NLRP13: variants seen among roughly 807,000 people sequenced by gnomAD.
The protein encoded by NLRP13 is NLR family pyrin domain containing 13.
Under a neutral mutation model 94.4 loss-of-function variants are expected in NLRP13, and 82 were observed. That is an observed-to-expected ratio of 0.87 (90% CI 0.73 to 1.04). NLRP13 has a LOEUF of 1.04. NLRP13 is among the 50% of genes least tolerant of loss of function. The pLI, the probability that NLRP13 is intolerant of heterozygous loss-of-function variation, is 0.00. For missense variants in NLRP13, 1,426 were observed against 1,230.8 expected (o/e 1.16, Z -2.37); for synonymous variants, 553 against 464.7 (o/e 1.19, Z -2.45).
At chr19:55,893,348 A>G (rs149709339), downstream of NLRP13, among the ~76,000 whole-genome samples, 3 of 152,176 alleles carry the variant, frequency 2.0e-5, no homozygotes, top group East Asian at 5.8e-4. Context: ...AGATCACGCC[A>G]TTGCACTCCT....
chr19:55,926,392 G>T (rs1986966220), intron 1 of NLRP13, among the ~76,000 whole-genome samples: 2 of 152,210 alleles, frequency 1.3e-5, no homozygotes, highest in Non-Finnish European at 2.9e-5. Context: ...ACTTTGCAAG[G>T]ACATGAAGGA....
chr19:55,901,313 C>T lies in NLRP13; in HGVS notation c.2789+722G>A, dbSNP rs536495489. Among the ~76,000 whole-genome samples, 5 of 152,328 alleles carry T rather than the reference C, an allele frequency of 3.3e-5. No individual in the cohort carries two copies. The South Asian group carries it at 1.0e-3, about 32-fold the overall frequency. On this transcript the variant is annotated intron_variant, in intron 9 of 10. Coordinates refer to ENST00000342929, the MANE Select transcript of NLRP13 (RefSeq NM_176810.2). The stretch of plus-strand genomic sequence containing the variant: ...GCAAATCCTGACCCCGTGCCCTTTC[C>T]CCATTGGCTGGGGTCGGACCACACA...
intron 2 of NLRP13, 24 bp from the exon 3 acceptor site, chr19:55,924,682 A>G (rs1460097576): frequency 6.3e-7 from 1 of 1,597,476 alleles, no homozygotes; most frequent in East Asian, 2.2e-5. Flanking sequence ...TGACGATGAG[A>G]TATGAAAATA....
Position 55,912,692 on chromosome 19 carries a change from T to C in NLRP13, c.1125A>G (p.Leu375=), listed in dbSNP as rs201520535. Residue 375 remains leucine (L), a synonymous_variant, in exon 5 of 11, where the codon TTA becomes TTG. Coordinates refer to ENST00000342929, the MANE Select transcript of NLRP13 (RefSeq NM_176810.2). ...TAATTTGTACAAAGCATGGATTCAC[T>C]AATGAGGCCTTAAGATCTCTCACAA... ...TWFVRDLKAS[L]VNPCFVQITG... is the part of the protein sequence containing the mutation. 126 of 1,614,054 alleles carry C rather than the reference T, an allele frequency of 7.8e-5. No individual in the cohort carries two copies. The highest frequency in any genetic ancestry group is 9.6e-5 in the Non-Finnish European group (113 of 1,180,040).
At chr19:55,930,901 A>ATATATATATATATATATATATTT (rs1338071833) in intron 1 of NLRP13, among the ~76,000 whole-genome samples, 12 of 98,292 alleles carry the variant, frequency 1.2e-4, no homozygotes, top group South Asian at 3.1e-4. Flanking sequence ...TATATATAAA[A>ATATATATATATATATATATATTT]TTTTAACCAG....
intron 9 of NLRP13, among the ~76,000 whole-genome samples, chr19:55,901,439 G>A (rs1347538949): frequency 3.9e-5 from 6 of 152,090 alleles, no homozygotes; most frequent in Non-Finnish European, 7.4e-5. Flanking sequence ...GGGAGAGGGG[G>A]AAAAGTCGTC....
At chr19:55,930,570 CA>C (rs1203211442) in intron 1 of NLRP13, among the ~76,000 whole-genome samples, 1 of 151,356 alleles carries the variant, frequency 6.6e-6, no homozygotes, top group Non-Finnish European at 1.5e-5. Context: ...CCTGTAGTCC[CA>C]GCTACTCGGG....
At chr19:55,919,863 C>A (rs1986770151) in intron 4 of NLRP13, among the ~76,000 whole-genome samples, 1 of 152,008 alleles carries the variant, frequency 6.6e-6, no homozygotes, top group Non-Finnish European at 1.5e-5. Flanking sequence ...AGAAAGAGCC[C>A]TAATAGCCAA....
chr19:55,892,073 T>G (rs958332339), downstream of NLRP13: 6 of 1,227,784 alleles, frequency 4.9e-6, no homozygotes, highest in African/African-American at 1.6e-5. Context: ...GCTCCTTCTG[T>G]GAGGTCTGTA....
chr19:55,923,500 G>C (rs1206644655), intron 4 of NLRP13, among the ~76,000 whole-genome samples: 1 of 152,128 alleles, frequency 6.6e-6, no homozygotes, highest in Non-Finnish European at 1.5e-5. Flanking sequence ...GCAGGAGTAG[G>C]GGGTGGAAGG....
chr19:55,899,422 G>A (rs1219430447), intron 9 of NLRP13, among the ~76,000 whole-genome samples: 1 of 152,206 alleles, frequency 6.6e-6, no homozygotes, highest in East Asian at 1.9e-4. Context: ...GATGAGGAGA[G>A]GAAAGACAAG....
rs1359304813 is a variant in NLRP13, at chr19:55,911,690, G to A, written c.2111+16C>T. ...AACAGGAGAAAGCTGAGAAAGAAAT[G>A]GTTTGTAATACTCACTCCAGAATTT... On this transcript the variant is annotated intron_variant, in intron 5 of 10. Coordinates refer to ENST00000342929, the MANE Select transcript of NLRP13 (RefSeq NM_176810.2). 2 of 1,559,888 alleles carry A rather than the reference G, an allele frequency of 1.3e-6. No individual in the cohort carries two copies. Among genetic ancestry groups the A allele is most frequent in the Non-Finnish European group, 1.7e-6 (2 of 1,154,940 alleles).
intron 7 of NLRP13, among the ~76,000 whole-genome samples, chr19:55,906,041 T>C (rs1393633340): frequency 6.6e-6 from 1 of 151,434 alleles, no homozygotes; most frequent in African/African-American, 2.4e-5. Flanking sequence ...CCTAAGGTGG[T>C]AGGAAGAAAG....
At position 55,913,080 on chromosome 19, in the gene NLRP13, A is replaced by T. The variant is rs1169728266; in HGVS notation, c.737T>A (p.Met246Lys). Residue 246 changes from methionine (M) to lysine (K), a missense_variant, in exon 5 of 11, where the codon ATG (methionine) becomes AAG (lysine). Transcript: ENST00000342929. Reference sequence around the variant, plus strand: ...ATTTGCCCAGTGCAGCATAGCCTGCATTGCCAAGGTGGTCTTCCCAACCCC... The same window carrying T: ...ATTTGCCCAGTGCAGCATAGCCTGCTTTGCCAAGGTGGTCTTCCCAACCCC... ...RAGVGKTTLAMQAMLHWANGV... is the reference protein window; with the variant it reads ...RAGVGKTTLAKQAMLHWANGV... 6.2e-7 allele frequency: 1 copy of T among 1,614,052 alleles called. No individual in the cohort carries two copies. Among genetic ancestry groups the T allele is most frequent in the African/African-American group, 1.3e-5 (1 of 74,916 alleles).
chr19:55,917,137 G>A (rs970958559), intron 4 of NLRP13, among the ~76,000 whole-genome samples: 1 of 152,036 alleles, frequency 6.6e-6, no homozygotes, highest in Non-Finnish European at 1.5e-5. Context: ...TATAAATGAA[G>A]AAATAAAGTC....
At chr19:55,925,251 C>A (rs534817627) in intron 1 of NLRP13, among the ~76,000 whole-genome samples, 38 of 152,358 alleles carry the variant, frequency 2.5e-4, no homozygotes, top group African/African-American at 8.9e-4. Flanking sequence ...TGCCTCAGGG[C>A]CTTGGCTCCA....
chr19:55,896,349 C>T (rs1007130627), intron 10 of NLRP13, among the ~76,000 whole-genome samples: 2 of 151,342 alleles, frequency 1.3e-5, no homozygotes, highest in African/African-American at 4.9e-5. Flanking sequence ...ATGGTGAAAC[C>T]CCATTTCTAT....
At chr19:55,900,218 G>A (rs906436555) in intron 9 of NLRP13, among the ~76,000 whole-genome samples, 73 of 148,568 alleles carry the variant, frequency 4.9e-4, no homozygotes, top group African/African-American at 1.6e-3. Flanking sequence ...TACAAGTGAC[G>A]AGGGGAAAAA....
intron 4 of NLRP13, among the ~76,000 whole-genome samples, chr19:55,913,571 AGT>A (rs1986598920): frequency 6.9e-6 from 1 of 145,642 alleles, no homozygotes; most frequent in African/African-American, 2.5e-5. Context: ...AAAAAAAAAA[AGT>A]TGCAAAATAT....
Sources: allele counts gnomAD v4.1 joint callset (sites outside exome capture counted in the v4.1 genomes callset), GRCh38; gene constraint gnomAD v4.1.1; transcripts MANE v1.5; gene names NCBI Gene and HGNC (gene_info 2026-07-23, HGNC 2026-07-21).